DACH1: variants seen among roughly 807,000 people sequenced by gnomAD.
The protein encoded by DACH1 is dachshund homolog 1.
In DACH1, 12 loss-of-function variants were observed where a neutral mutation model predicts 54.2. The ratio of observed to expected loss-of-function variants is 0.22; its 90% CI spans 0.14 to 0.36. DACH1 has a LOEUF of 0.36. Among genes scored for constraint, DACH1 ranks in the 10% least tolerant of loss-of-function variants. DACH1 has a pLI of 1.00. For missense variants in DACH1, 805 were observed against 929.8 expected (o/e 0.87, Z 1.75); for synonymous variants, 386 against 366.2 (o/e 1.05, Z -0.62).
At chr13:71,611,063 T>C (rs1000981881) in intron 3 of DACH1, among the ~76,000 whole-genome samples, 5 of 152,312 alleles carry the variant, frequency 3.3e-5, no homozygotes, top group African/African-American at 1.2e-4. Flanking sequence ...CGTTGCATTA[T>C]GGCTCAGGCA....
At chr13:71,537,964 A>G (rs1039425156) in intron 6 of DACH1, among the ~76,000 whole-genome samples, 1 of 152,128 alleles carries the variant, frequency 6.6e-6, no homozygotes, top group Non-Finnish European at 1.5e-5. Flanking sequence ...ATGAGTTTAA[A>G]TATCACCCAC....
chr13:71,627,980 T>G (rs185349644), intron 3 of DACH1, among the ~76,000 whole-genome samples: 1 of 152,206 alleles, frequency 6.6e-6, no homozygotes, highest in East Asian at 1.9e-4. Context: ...ACCTTACTGA[T>G]GACCAAACAA....
intron 3 of DACH1, among the ~76,000 whole-genome samples, chr13:71,580,743 G>A (rs7991293): frequency 0.13 from 19,285 of 151,998 alleles, 2,807 homozygotes; most frequent in African/African-American, 0.36. Context: ...GGACATCACC[G>A]GCGAGTTTTA....
rs549404832 is a variant in DACH1 at position 71,594,047 on chromosome 13, A to T, written c.1127-21035T>A. Among the ~76,000 whole-genome samples the T allele has an allele frequency of 4.6e-5, 7 of 151,540 alleles. No individual in the cohort carries two copies. In the South Asian group the frequency reaches 1.5e-3, roughly 32 times the overall value. On this transcript the variant is annotated intron_variant, in intron 3 of 10. Coordinates refer to ENST00000613252, the MANE Select transcript of DACH1 (RefSeq NM_080759.6). ...ATATTAACATAATATAGAAAAACAT[A>T]AAATGCATATTTTCATAACTTGGTG...
At chr13:71,502,588 T>C (rs1170830018) in intron 6 of DACH1, among the ~76,000 whole-genome samples, 1 of 152,198 alleles carries the variant, frequency 6.6e-6, no homozygotes, top group Non-Finnish European at 1.5e-5. Flanking sequence ...AAAACAATTA[T>C]TGTCCAAGAG....
intron 1 of DACH1, among the ~76,000 whole-genome samples, chr13:71,707,466 C>T (rs773220276): frequency 6.6e-6 from 1 of 152,166 alleles, no homozygotes; most frequent in Non-Finnish European, 1.5e-5. Flanking sequence ...AGGAGTAGCC[C>T]TGAGCCTCCC....
chr13:71,634,737 A>C (rs548988743), intron 2 of DACH1, among the ~76,000 whole-genome samples: 1 of 152,268 alleles, frequency 6.6e-6, no homozygotes, highest in African/African-American at 2.4e-5. Context: ...ACCCTGCTGT[A>C]TGTGAGTCTG....
intron 6 of DACH1, among the ~76,000 whole-genome samples, chr13:71,495,832 C>A (rs751960027): frequency 2.0e-5 from 3 of 152,180 alleles, no homozygotes; most frequent in Non-Finnish European, 2.9e-5. Flanking sequence ...GGAAAGAAAT[C>A]GTTATATCAA....
At chr13:71,706,359 A>G (rs1397101344) in intron 1 of DACH1, among the ~76,000 whole-genome samples, 2 of 152,136 alleles carry the variant, frequency 1.3e-5, no homozygotes, top group Non-Finnish European at 2.9e-5. Context: ...TATATTTTTT[A>G]CAGTGAGATG....
chr13:71,518,366 G>C (rs1881318181), intron 6 of DACH1, among the ~76,000 whole-genome samples: 1 of 151,454 alleles, frequency 6.6e-6, no homozygotes, highest in South Asian at 2.1e-4. Flanking sequence ...CCTTGATTTT[G>C]AACTTCTAGC....
At chr13:71,477,520 G>T (rs1877684398) in intron 8 of DACH1, among the ~76,000 whole-genome samples, 2 of 151,982 alleles carry the variant, frequency 1.3e-5, no homozygotes, top group Non-Finnish European at 2.9e-5. Flanking sequence ...AATGTACACT[G>T]GCTATGGTGT....
chr13:71,790,268 A>G (rs1345155974), intron 1 of DACH1, among the ~76,000 whole-genome samples: 1 of 152,160 alleles, frequency 6.6e-6, no homozygotes, highest in Non-Finnish European at 1.5e-5. Context: ...GAACCTATAT[A>G]TACCTTTTAG....
chr13:71,484,838 G>C (rs1033718014), intron 7 of DACH1, among the ~76,000 whole-genome samples: 2 of 152,104 alleles, frequency 1.3e-5, no homozygotes, highest in Non-Finnish European at 2.9e-5. Flanking sequence ...GAGGTGGGTA[G>C]ATTAGTTAAG....
chr13:71,695,765 A>G (rs1881798392), intron 1 of DACH1, among the ~76,000 whole-genome samples: 1 of 152,216 alleles, frequency 6.6e-6, no homozygotes, highest in African/African-American at 2.4e-5. Context: ...TGTTTCTTCT[A>G]AAGCCCTCCT....
At chr13:71,810,388 T>G (rs559796404) in intron 1 of DACH1, among the ~76,000 whole-genome samples, 11 of 152,270 alleles carry the variant, frequency 7.2e-5, no homozygotes, top group Admixed American at 2.6e-4. Context: ...GAACTACAAT[T>G]TGTAAACTTT....
At chr13:71,445,750 A>C (rs117584618) in intron 10 of DACH1, among the ~76,000 whole-genome samples, 36 of 152,312 alleles carry the variant, frequency 2.4e-4, no homozygotes, top group Non-Finnish European at 3.7e-4. Context: ...AATTTTAAAC[A>C]AATGTTATAA....
intron 6 of DACH1, among the ~76,000 whole-genome samples, chr13:71,490,982 A>G (rs74095948): frequency 2.2e-3 from 328 of 152,324 alleles, no homozygotes; most frequent in African/African-American, 7.8e-3. Context: ...TTCCACAATT[A>G]TTAAAGACTG....
At chr13:71,747,495 T>C (rs1884647331) in intron 1 of DACH1, among the ~76,000 whole-genome samples, 1 of 152,088 alleles carries the variant, frequency 6.6e-6, no homozygotes, top group African/African-American at 2.4e-5. Context: ...GCAGGAAAAT[T>C]GTTTGAACCT....
intron 1 of DACH1, among the ~76,000 whole-genome samples, chr13:71,733,735 G>A (rs774747159): frequency 1.3e-5 from 2 of 152,004 alleles, no homozygotes; most frequent in Admixed American, 6.6e-5. Flanking sequence ...AATGACAGTA[G>A]CATTTTACAT....
Sources: allele counts gnomAD v4.1 joint callset (sites outside exome capture counted in the v4.1 genomes callset), GRCh38; gene constraint gnomAD v4.1.1; transcripts MANE v1.5; gene names NCBI Gene and HGNC (gene_info 2026-07-23, HGNC 2026-07-21).